Variants in MMS22L observed in about 807,000 individuals in gnomAD.
MMS22L encodes protein MMS22-like.
In MMS22L, 74 loss-of-function variants were observed where a neutral mutation model predicts 159.1. The observed-to-expected ratio is 0.47, with a 90% CI of 0.39 to 0.56. The LOEUF (loss-of-function observed/expected upper bound fraction) is 0.56. Ranked by LOEUF, MMS22L falls within the 20% of genes least tolerant of loss-of-function variation. MMS22L has a pLI of 0.00. For missense variants in MMS22L, 1,351 were observed against 1,422.1 expected (o/e 0.95, Z 0.80); for synonymous variants, 517 against 506.9 (o/e 1.02, Z -0.27).
At chr6:97,204,794 C>A (rs1435677306) in intron 14 of MMS22L, among the ~76,000 whole-genome samples, 2,163 of 105,966 alleles carry the variant, frequency 0.02, no homozygotes, top group East Asian at 0.046. Flanking sequence ...GACTCAGTGT[C>A]AAAAAAAAAA....
chr6:97,241,182 T>G (rs1249932287), intron 11 of MMS22L, among the ~76,000 whole-genome samples: 1 of 152,238 alleles, frequency 6.6e-6, no homozygotes, highest in African/African-American at 2.4e-5. Flanking sequence ...GTTCTATATA[T>G]AAGAAGTTTT....
At chr6:97,204,160 T>G (rs1481220625) in intron 14 of MMS22L, among the ~76,000 whole-genome samples, 1 of 152,216 alleles carries the variant, frequency 6.6e-6, no homozygotes, top group Non-Finnish European at 1.5e-5. Context: ...TATTTGTATT[T>G]TTTTATAAAA....
At chr6:97,198,686 G>A in intron 14 of MMS22L, among the ~76,000 whole-genome samples, 1 of 152,062 alleles carries the variant, frequency 6.6e-6, no homozygotes, top group Non-Finnish European at 1.5e-5. Context: ...ATCTACAATA[G>A]TACAAAGGCA....
chr6:97,241,467 T>C (rs1046684636), intron 11 of MMS22L, among the ~76,000 whole-genome samples: 1 of 152,222 alleles, frequency 6.6e-6, no homozygotes, highest in Non-Finnish European at 1.5e-5. Context: ...CATCTATTTT[T>C]TTTTTATTTT....
chr6:97,182,128 A>T, intron 15 of MMS22L, 74 bp from the exon 16 acceptor site: 1 of 1,198,574 alleles, frequency 8.3e-7, no homozygotes, highest in Non-Finnish European at 1.1e-6. Context: ...CCCCTGGCCA[A>T]TTATAACAAG....
chr6:97,213,924 C>T (rs1010643542), intron 14 of MMS22L, among the ~76,000 whole-genome samples: 4 of 152,130 alleles, frequency 2.6e-5, no homozygotes, highest in Admixed American at 6.5e-5. Flanking sequence ...TACAGAACTA[C>T]AGCTTTGTTT....
chr6:97,283,934 C>G (rs957657974), upstream of MMS22L, among the ~76,000 whole-genome samples: 5 of 152,124 alleles, frequency 3.3e-5, no homozygotes, highest in African/African-American at 1.2e-4. Flanking sequence ...AATCATACTT[C>G]TAACTAACCT....
intron 14 of MMS22L, among the ~76,000 whole-genome samples, chr6:97,188,931 C>T (rs1013977424): frequency 5.9e-5 from 9 of 151,700 alleles, no homozygotes; most frequent in African/African-American, 1.9e-4. Flanking sequence ...CACTGCACTC[C>T]AACTTGGGTG....
intron 19 of MMS22L, among the ~76,000 whole-genome samples, chr6:97,168,940 A>C (rs1409392839): frequency 6.6e-6 from 1 of 152,094 alleles, no homozygotes; most frequent in African/African-American, 2.4e-5. Flanking sequence ...ATGAAACTCT[A>C]TATTTATTTG....
chr6:97,194,933 A>G (rs1806321923), intron 14 of MMS22L, among the ~76,000 whole-genome samples: 1 of 152,098 alleles, frequency 6.6e-6, no homozygotes, highest in South Asian at 2.1e-4. Flanking sequence ...TAGCAAACAG[A>G]CAAAGTCTCT....
At chr6:97,236,233 G>C (rs1474182979) in intron 11 of MMS22L, among the ~76,000 whole-genome samples, 1 of 149,238 alleles carries the variant, frequency 6.7e-6, no homozygotes, top group Non-Finnish European at 1.5e-5. Context: ...GGAGGCCAAA[G>C]CAGGAAAATC....
rs1815905903 is a variant in MMS22L, at chr6:97,273,027, T to C, written c.376A>G (p.Ile126Val). 4 of 1,612,794 alleles carry C rather than the reference T, an allele frequency of 2.5e-6. No individual in the cohort carries two copies. The highest frequency in any genetic ancestry group is 1.7e-5 in the Admixed American group (1 of 59,814). The change falls in exon 5 of 25, where the codon ATT becomes GTT. Residue 126 changes from isoleucine (I) to valine (V), a missense_variant. Ile to Val is a conservative substitution (Grantham distance 29). Coordinates refer to ENST00000683635, the MANE Select transcript of MMS22L (RefSeq NM_001350599.2). ...VSTLHCKADNIRQQCVLFLHY... is the reference protein window; with the variant it reads ...VSTLHCKADNVRQQCVLFLHY... ...AGAAATAGTACACACTGCTGCCTAA[T>C]ATTGTCTGCTTTGCAGTGTAGAGTT...
At chr6:97,156,981 C>CT (rs138305726) in intron 22 of MMS22L, among the ~76,000 whole-genome samples, 1 of 151,902 alleles carries the variant, frequency 6.6e-6, no homozygotes, top group Non-Finnish European at 1.5e-5. Flanking sequence ...TTTGTGTCCT[C>CT]TTTTATTTTA....
chr6:97,150,468 A>C (rs1357014129), intron 23 of MMS22L, among the ~76,000 whole-genome samples: 1 of 152,118 alleles, frequency 6.6e-6, no homozygotes, highest in African/African-American at 2.4e-5. Context: ...AATATATTTT[A>C]TGTTCCTTAA....
At chr6:97,281,201 C>A (rs763313964) in intron 3 of MMS22L, 36 bp downstream of exon 3, 1 of 1,580,840 alleles carries the variant, frequency 6.3e-7, no homozygotes, top group Non-Finnish European at 8.6e-7. Flanking sequence ...AAGTGAACAA[C>A]ACCTACACTC....
At chr6:97,191,138 A>G (rs1805821799) in intron 14 of MMS22L, among the ~76,000 whole-genome samples, 1 of 151,516 alleles carries the variant, frequency 6.6e-6, no homozygotes, top group African/African-American at 2.4e-5. Context: ...CCACCTCTCT[A>G]CTCCCACACA....
rs373193427 is a variant in MMS22L at position 97,156,331 on chromosome 6, C to T, written c.3386-4464G>A. Among the ~76,000 whole-genome samples the T allele has an allele frequency of 7.9e-5, 12 of 152,116 alleles. No homozygotes were observed. The East Asian group carries it at 2.3e-3, about 29-fold the overall frequency. ...ATGCAGAAGCTCTTTAATTAGATCC[C>T]ATTTATATATTTGGCTTTTGTTGCC... is the stretch of plus-strand genomic sequence containing the variant. On this transcript the variant is annotated intron_variant, in intron 22 of 24. Coordinates refer to ENST00000683635, the MANE Select transcript of MMS22L (RefSeq NM_001350599.2).
At chr6:97,146,982 A>ATTAAAAACATTTTGG in intron 24 of MMS22L, 95 bp from the exon 25 acceptor site, 1 of 800,556 alleles carries the variant, frequency 1.2e-6, no homozygotes, top group Admixed American at 2.9e-5. Context: ...TCATCCATCC[A>ATTAAAAACATTTTGG]TCCATCTATT....
At chr6:97,282,217 T>A in intron 2 of MMS22L, 97 bp downstream of exon 2, 1 of 1,266,228 alleles carries the variant, frequency 7.9e-7, no homozygotes, top group Non-Finnish European at 1.1e-6. Context: ...AAAACACGAC[T>A]TGGTGAACAC....
Sources: gnomAD v4.1 joint callset for allele counts (sites outside exome capture counted in the v4.1 genomes callset) on GRCh38, gnomAD v4.1.1 for gene constraint, MANE v1.5 for transcripts, NCBI Gene and HGNC (gene_info 2026-07-23, HGNC 2026-07-21) for gene names.